MGAM: variants seen among roughly 807,000 people sequenced by gnomAD.
The protein encoded by MGAM is maltase-glucoamylase.
MGAM carries 253 observed loss-of-function variants against 358.8 expected under a neutral mutation model. The ratio of observed to expected loss-of-function variants is 0.71; its 90% confidence interval spans 0.64 to 0.78. The LOEUF (loss-of-function observed/expected upper bound fraction) is 0.78, where lower values mean the gene tolerates loss of function less well. Ranked by LOEUF, MGAM falls within the 30% of genes least tolerant of loss-of-function variation. The probability of loss-of-function intolerance (pLI) is 0.00; values close to 1 mark genes in which losing one functional copy is unlikely to be tolerated. For synonymous variants in MGAM, 1,105 were observed against 1,227.1 expected (o/e 0.90, Z 2.08); for missense variants, 3,080 against 3,432.6 (o/e 0.90, Z 2.57).
intron 2 of MGAM, among the ~76,000 whole-genome samples, chr7:141,989,607 G>A (rs1803857854): frequency 6.6e-6 from 1 of 151,150 alleles, no homozygotes. Flanking sequence ...CCAGGATGGA[G>A]TGCAGTGGTG....
intron 27 of MGAM, among the ~76,000 whole-genome samples, chr7:142,055,154 G>C (rs1811379673): frequency 6.6e-6 from 1 of 152,172 alleles, no homozygotes; most frequent in African/African-American, 2.4e-5. Flanking sequence ...TCTAGATTAG[G>C]TGCTGCTCCT....
In MGAM at chr7:142,036,163, T is replaced by C; in HGVS notation, c.1960-6T>C. 2 of 1,599,984 alleles carry C rather than the reference T, an allele frequency of 1.3e-6. No homozygotes were observed. The highest frequency in any genetic ancestry group is 1.7e-6 in the Non-Finnish European group (2 of 1,170,818). ...AGGTATACCTGTTGTCTGTGTGTCC[T>C]TCCAGGTGGGTCCTGACATATGTGG... On this transcript the variant is annotated splice_region_variant and splice_polypyrimidine_tract_variant and intron_variant, in intron 16 of 70. Transcript: ENST00000475668.
rs943581916 is a variant in MGAM, at chr7:142,081,028, T to A, written c.6002+83T>A. 8 of 1,176,480 alleles carry A rather than the reference T, an allele frequency of 6.8e-6. 1 individual carries two copies. The African/African-American group carries it at 1.2e-4, about 17-fold the overall frequency. 72.9% of individuals were successfully genotyped at this position (1,176,480 alleles called of 1,614,324 possible). A position where few individuals can be genotyped will look rare whatever the true frequency, so the allele number is the denominator to read the frequency against. ...TCCATTGTCCTTGGATGTATCCTGG[T>A]TCAAAACATCACATTGTCCACTTCC... On this transcript the variant is annotated intron_variant, in intron 50 of 70. Coordinates refer to ENST00000475668, the MANE Select transcript of MGAM (RefSeq NM_001365693.1).
chr7:142,060,075 T>G (rs1348406507), intron 33 of MGAM, 109 bp downstream of exon 33: 1 of 1,334,016 alleles, frequency 7.5e-7, no homozygotes, highest in Non-Finnish European at 1.0e-6. Flanking sequence ...TGGCCTTTTC[T>G]ATTTGGGCTC....
At position 142,077,873 on chromosome 7, in the gene MGAM, T is replaced by C. The variant is rs1421126963; in HGVS notation, c.5494-445T>C. 2.7e-5 allele frequency among the ~76,000 whole-genome samples: 4 copies of C among 145,620 alleles called. 1 individual carries two copies. In the South Asian group the frequency reaches 6.6e-4, roughly 24 times the overall value. ...AGGTCATATGATTCTTATTGCTGTG[T>C]TCTTTCTACCACTCCACGCCAATGG... is the stretch of plus-strand genomic sequence containing the variant. On this transcript the variant is annotated intron_variant, in intron 47 of 70. Coordinates refer to ENST00000475668, the MANE Select transcript of MGAM (RefSeq NM_001365693.1).
chr7:142,025,200 T>C lies in MGAM; in HGVS notation c.982+51T>C, dbSNP rs903923458. ...AAGCACAAGAGTGATTTTCAGTCCC[T>C]TTCTTACAGCACTATGATAAAAGGA... is the stretch of plus-strand genomic sequence containing the variant. On this transcript the variant is annotated intron_variant, in intron 8 of 70. Coordinates refer to ENST00000475668, the MANE Select transcript of MGAM (RefSeq NM_001365693.1). 110 of 1,337,060 alleles carry C rather than the reference T, an allele frequency of 8.2e-5. 1 individual carries two copies. Among genetic ancestry groups the C allele is most frequent in the Non-Finnish European group, 1.6e-5 (15 of 929,458 alleles). 82.8% of individuals were successfully genotyped at this position (1,337,060 alleles called of 1,614,324 possible).
Position 142,034,739 on chromosome 7 carries a change from C to T in MGAM, c.1857C>T (p.Gly619=). Residue 619 remains glycine, a synonymous_variant, in exon 16 of 71, where the codon GGC becomes GGT. Coordinates refer to ENST00000475668, the MANE Select transcript of MGAM (RefSeq NM_001365693.1). ...CCCGTTCTACCTTTGCGGGCTCTGG[C>T]AAGTTTGCAGCACATTGGTTAGGAG... ...ILTRSTFAGS[G]KFAAHWLGDN... 1 of 1,613,576 alleles carries T rather than the reference C, an allele frequency of 6.2e-7. No individual in the cohort carries two copies. The highest frequency in any genetic ancestry group is 8.5e-7 in the Non-Finnish European group (1 of 1,179,642).
intron 3 of MGAM, among the ~76,000 whole-genome samples, chr7:142,015,365 A>G (rs1459547606): frequency 4.6e-5 from 7 of 152,094 alleles, no homozygotes; most frequent in Non-Finnish European, 4.4e-5. Flanking sequence ...CAAAAGTTTT[A>G]CATTTTAATA....
chr7:142,011,537 A>C (rs1805597140), intron 3 of MGAM, among the ~76,000 whole-genome samples: 1 of 152,120 alleles, frequency 6.6e-6, no homozygotes, highest in African/African-American at 2.4e-5. Context: ...AAGTGAAAGG[A>C]TGTAAGGGGA....
intron 34 of MGAM, among the ~76,000 whole-genome samples, chr7:142,060,930 C>T (rs911059569): frequency 6.6e-6 from 1 of 152,104 alleles, no homozygotes; most frequent in Non-Finnish European, 1.5e-5. Flanking sequence ...CAGTTTCCAG[C>T]CTTATTGTAA....
intron 14 of MGAM, 71 bp from the exon 15 acceptor site, chr7:142,034,191 G>T: frequency 2.1e-6 from 2 of 960,464 alleles, no homozygotes; most frequent in Non-Finnish European, 1.5e-6. Context: ...CTGTCATTTC[G>T]GATTGTGATA....
chr7:142,059,430 G>T (rs534662422), intron 31 of MGAM, 42 bp from the exon 32 acceptor site: 9 of 1,594,974 alleles, frequency 5.6e-6, no homozygotes, highest in Admixed American at 1.7e-5. Flanking sequence ...AAGCTTGGGC[G>T]TGTACAGCAG....
At chr7:142,012,639 A>G (rs1805681696) in intron 3 of MGAM, among the ~76,000 whole-genome samples, 1 of 152,212 alleles carries the variant, frequency 6.6e-6, no homozygotes, top group Non-Finnish European at 1.5e-5. Context: ...TGCAGCAACA[A>G]TTGTTTTATT....
intron 36 of MGAM, 24 bp from the exon 37 acceptor site, chr7:142,064,360 A>C (rs1812516807): frequency 1.9e-6 from 3 of 1,596,458 alleles, no homozygotes; most frequent in Non-Finnish European, 2.6e-6. Context: ...GCTGGGTTTC[A>C]CCTCGCCAGT....
chr7:142,039,103 CT>C (rs35054393), intron 19 of MGAM, among the ~76,000 whole-genome samples: 18,082 of 118,870 alleles, frequency 0.15, 1,192 homozygotes, highest in Middle Eastern at 0.25. Context: ...TTGCCACACA[CT>C]TTTTTTTTTT....
chr7:142,017,900 T>A (rs1016887384), intron 3 of MGAM, among the ~76,000 whole-genome samples: 1 of 152,116 alleles, frequency 6.6e-6, no homozygotes, highest in Non-Finnish European at 1.5e-5. Flanking sequence ...AAAAAAGAAA[T>A]GGATAGTAAG....
chr7:142,071,006 A>C lies in MGAM; in HGVS notation c.5074A>C (p.Asn1692His). 6.4e-7 allele frequency: 1 copy of C among 1,556,166 alleles called. No individual in the cohort carries two copies. Among genetic ancestry groups the C allele is most frequent in the Non-Finnish European group, 8.8e-7 (1 of 1,132,454 alleles). ...CTTCTGCCCCCAGGGTGTGGATATT[A>C]ATGCAAGAGGAGAGTGGAAGACCTT... The part of the protein sequence containing the change: ...WYDYYTGVDI[N>H]ARGEWKTLPA... Residue 1692 changes from asparagine to histidine, a missense_variant, in exon 44 of 71, where the codon AAT becomes CAT. Physicochemically the swap from Asn to His is moderately conservative, Grantham distance 68. Transcript: ENST00000475668.
In MGAM at chr7:142,040,794, C is replaced by G. The variant is rs368880817; in HGVS notation, c.2446C>G (p.Arg816Gly). 8 of 1,613,166 alleles carry G rather than the reference C, an allele frequency of 5.0e-6. No homozygotes were observed. The highest frequency in any genetic ancestry group is 6.8e-6 in the Non-Finnish European group (8 of 1,179,454). The change falls in exon 21 of 71, where the codon CGA (arginine) becomes GGA (glycine). Residue 816 changes from arginine to glycine, a missense_variant. By Grantham distance (125) the Arg-to-Gly change is moderately radical (BLOSUM62 -2). Around this residue, in one of 5 missense-constraint regions of MGAM, gnomAD observed 1,816 missense variants for 1,840.5 expected, o/e 0.99. Transcript: ENST00000475668. ...TGGAGACAAAATTGGACTTCACCTT[C>G]GAGGAGGCTACATCTTCCCCACACA... is the stretch of plus-strand genomic sequence containing the variant. Reference protein sequence around the residue: ...LPGDKIGLHLRGGYIFPTQQP... With the variant: ...LPGDKIGLHLGGGYIFPTQQP...
At chr7:142,048,943 C>G (rs1810675609) in intron 22 of MGAM, among the ~76,000 whole-genome samples, 1 of 152,164 alleles carries the variant, frequency 6.6e-6, no homozygotes, top group African/African-American at 2.4e-5. Context: ...ACCACCCATA[C>G]TGTAGACTGG....
Sources: gnomAD v4.1 joint callset for allele counts (sites outside exome capture counted in the v4.1 genomes callset) on GRCh38, gnomAD v4.1.1 for gene constraint, gnomAD v4.1.1 regional missense constraint, MANE v1.5 for transcripts, NCBI Gene and HGNC (gene_info 2026-07-23, HGNC 2026-07-21) for gene names.